Variants in CDH23 observed in about 807,000 individuals in gnomAD.
CDH23 encodes the protein cadherin-23.
Under a neutral mutation model 317.1 loss-of-function variants are expected in CDH23, and 189 were observed. The observed-to-expected ratio is 0.60, with a 90% CI of 0.53 to 0.67. CDH23 has a LOEUF of 0.67. CDH23 is among the 30% of genes least tolerant of loss of function. The pLI is 0.00. For synonymous variants in CDH23, 1,839 were observed against 1,876.8 expected (o/e 0.98, Z 0.52); for missense variants, 4,401 against 4,592.4 (o/e 0.96, Z 1.20).
intron 1 of CDH23, among the ~76,000 whole-genome samples, chr10:71,420,498 T>A (rs565236322): frequency 6.4e-4 from 1 of 1,560 alleles, no homozygotes; most frequent in African/African-American, 2.7e-3. Context: ...GTGATGATGG[T>A]AATGGTGATG....
At chr10:71,716,270 G>A (rs1235404744) in intron 28 of CDH23, 11 of 1,537,612 alleles carry the variant, frequency 7.2e-6, no homozygotes, top group East Asian at 2.5e-5. Context: ...GGGAGTGACG[G>A]GAGCTGAGAG....
intron 44 of CDH23, among the ~76,000 whole-genome samples, chr10:71,788,341 T>G (rs756307066): frequency 6.6e-6 from 1 of 150,772 alleles, no homozygotes; most frequent in African/African-American, 2.4e-5. Flanking sequence ...TGAGCCACCA[T>G]GCCCAGCATG....
At position 71,549,033 on chromosome 10, in the gene CDH23, T is replaced by C. The variant is rs539135064; in HGVS notation, c.430-17709T>C. ...TGATTAATTGGTTCATTCAGCACCA[T>C]TGTGAATGAGGCAGAGCGTAAGCAG... On this transcript the variant is annotated intron_variant, in intron 6 of 69. Transcript: ENST00000224721. Among the ~76,000 whole-genome samples the C allele has an allele frequency of 2.2e-4, 33 of 152,374 alleles. No homozygotes were observed. In the South Asian group the frequency reaches 6.4e-3, roughly 30 times the overall value.
At chr10:71,622,489 CG>C (rs1861513440) in intron 11 of CDH23, among the ~76,000 whole-genome samples, 1 of 152,118 alleles carries the variant, frequency 6.6e-6, no homozygotes, top group Admixed American at 6.6e-5. Flanking sequence ...CATCCCCCTC[CG>C]AAGAGTCAGA....
intron 28 of CDH23, 86 bp from the exon 29 acceptor site, chr10:71,723,959 T>C: frequency 8.2e-6 from 12 of 1,466,956 alleles, no homozygotes; most frequent in Non-Finnish European, 1.1e-5. Context: ...GTAGGATGCG[T>C]GAAGGGAAGG....
chr10:71,410,387 G>T (rs2131918152), intron 1 of CDH23, among the ~76,000 whole-genome samples: 1 of 152,228 alleles, frequency 6.6e-6, no homozygotes, highest in Non-Finnish European at 1.5e-5. Flanking sequence ...GGACTGGGAG[G>T]TCCCTTGCCC....
At chr10:71,734,947 A>C (rs1589385003) in intron 34 of CDH23, among the ~76,000 whole-genome samples, 2 of 152,356 alleles carry the variant, frequency 1.3e-5, no homozygotes, top group East Asian at 3.9e-4. Flanking sequence ...GGCTCATCCC[A>C]GCTCCACTCC....
At chr10:71,766,349 C>T (rs1424259867) in intron 38 of CDH23, among the ~76,000 whole-genome samples, 1 of 152,168 alleles carries the variant, frequency 6.6e-6, no homozygotes, top group Non-Finnish European at 1.5e-5. Context: ...TGTCAAGACC[C>T]AGGCCCCCCG....
rs537530850 is a variant in CDH23, at chr10:71,485,642, C to T, written c.146-24440C>T. Reference sequence around the variant, plus strand: ...CCCAGCCCAGCAATGATTCATGCCCCGAGGCAGGAGATGGTCCTACCTCCA... The same window carrying T: ...CCCAGCCCAGCAATGATTCATGCCCTGAGGCAGGAGATGGTCCTACCTCCA... On this transcript the variant is annotated intron_variant, in intron 3 of 69. Coordinates refer to ENST00000224721, the MANE Select transcript of CDH23 (RefSeq NM_022124.6). Among the ~76,000 whole-genome samples the T allele has an allele frequency of 5.6e-4, 86 of 152,322 alleles. 1 individual carries two copies. The South Asian group carries it at 0.015, about 27-fold the overall frequency.
Position 71,807,323 on chromosome 10 carries a change from C to G in CDH23, c.8225C>G (p.Pro2742Arg), listed in dbSNP as rs758360283. ...CTGCTGACAGTGCCTGAGCACTCAC[C>G]ACGCGGCACCCTCGTGGGCAACGTG... Reference protein sequence around the residue: ...YQLLTVPEHSPRGTLVGNVTG... With the variant: ...YQLLTVPEHSRRGTLVGNVTG... Residue 2742 changes from proline to arginine, a missense_variant, in exon 58 of 70, where the codon CCA becomes CGA. By Grantham distance (103) the Pro-to-Arg change is moderately radical. This residue lies in a region of CDH23 where 1,144 missense variants were observed against 1,138.2 expected (regional missense o/e 1.01). Transcript: ENST00000224721. 3.7e-6 allele frequency: 6 copies of G among 1,613,808 alleles called. No homozygotes were observed. Among genetic ancestry groups the G allele is most frequent in the African/African-American group, 1.3e-5 (1 of 74,934 alleles).
intron 42 of CDH23, 106 bp from the exon 43 acceptor site, chr10:71,784,785 C>T (rs1841052256): frequency 2.4e-6 from 2 of 820,254 alleles, no homozygotes; most frequent in Non-Finnish European, 4.2e-6. Context: ...TGACCAACTG[C>T]ACCCTCCCTC....
chr10:71,520,421 C>T (rs953764866), intron 6 of CDH23, among the ~76,000 whole-genome samples: 63 of 152,320 alleles, frequency 4.1e-4, no homozygotes, highest in Admixed American at 1.6e-3. Context: ...ACTCTGTGGG[C>T]GAGCAACACA....
intron 8 of CDH23, among the ~76,000 whole-genome samples, chr10:71,577,103 T>C (rs1362271326): frequency 6.6e-6 from 1 of 152,180 alleles, no homozygotes; most frequent in African/African-American, 2.4e-5. Flanking sequence ...TTCTCCCCTT[T>C]TTTGTACGTT....
At position 71,672,131 on chromosome 10, in the gene CDH23, C is replaced by T. The variant is rs565669381; in HGVS notation, c.1450-2981C>T. On this transcript the variant is annotated intron_variant, in intron 14 of 69. Transcript: ENST00000224721. ...ATACTGAGTGTGCGCAGGGAGGAGC[C>T]CTAACTTTGCCTTGGGGGTCAGGGA... Among the ~76,000 whole-genome samples the T allele has an allele frequency of 2.6e-5, 4 of 152,104 alleles. No individual in the cohort carries two copies. In the South Asian group the frequency reaches 8.3e-4, roughly 32 times the overall value.
intron 9 of CDH23, among the ~76,000 whole-genome samples, chr10:71,613,404 AC>A (rs1370329642): frequency 1.3e-5 from 2 of 151,976 alleles, no homozygotes; most frequent in Non-Finnish European, 1.5e-5. Context: ...CTACAGTGAC[AC>A]CCCCTCCTGG....
intron 28 of CDH23, chr10:71,715,734 T>G: frequency 2.2e-6 from 1 of 450,652 alleles, no homozygotes; most frequent in Non-Finnish European, 3.9e-6. Flanking sequence ...AGCGAGGGGG[T>G]CTGCAGAGAG....
intron 1 of CDH23, among the ~76,000 whole-genome samples, chr10:71,399,989 C>T (rs1056282317): frequency 2.0e-5 from 3 of 152,128 alleles, no homozygotes; most frequent in Admixed American, 6.5e-5. Flanking sequence ...CACCTCTCAG[C>T]GGCCTTAGGA....
chr10:71,455,236 C>T (rs748604329), intron 3 of CDH23, among the ~76,000 whole-genome samples: 1 of 152,128 alleles, frequency 6.6e-6, no homozygotes, highest in Non-Finnish European at 1.5e-5. Flanking sequence ...CTTCACCCAG[C>T]TCCCCATAAT....
chr10:71,690,181 G>T (rs984001535), intron 19 of CDH23, among the ~76,000 whole-genome samples: 1 of 152,142 alleles, frequency 6.6e-6, no homozygotes, highest in African/African-American at 2.4e-5. Context: ...GCCAAGCAGG[G>T]GCCAGGGAGA....
Sources: gnomAD v4.1 joint callset for allele counts (sites outside exome capture counted in the v4.1 genomes callset) on GRCh38, gnomAD v4.1.1 for gene constraint, gnomAD v4.1.1 regional missense constraint, MANE v1.5 for transcripts, NCBI Gene and HGNC (gene_info 2026-07-23, HGNC 2026-07-21) for gene names.